The following KCNMB2 variants were observed in gnomAD, a reference collection of about 807,000 sequenced individuals.
KCNMB2 encodes potassium calcium-activated channel subfamily M regulatory beta subunit 2, also known as calcium-activated potassium channel subunit beta-2.
Under a neutral mutation model 24.5 loss-of-function variants are expected in KCNMB2, and 9 were observed. The observed-to-expected ratio is 0.37, with a 90% confidence interval of 0.22 to 0.64. The LOEUF is 0.64. Ranked by LOEUF, KCNMB2 falls within the 30% of genes least tolerant of loss-of-function variation. The probability of loss-of-function intolerance (pLI) is 0.63; values close to 1 mark genes in which losing one functional copy is unlikely to be tolerated. For missense variants in KCNMB2, 226 were observed against 284.3 expected, an observed-to-expected ratio of 0.79 and a Z score of 1.47; for synonymous variants, 109 against 104.4, an observed-to-expected ratio of 1.04 and a Z score of -0.27.
chr3:178,766,982 C>G (rs987720918), intron 1 of KCNMB2, among the ~76,000 whole-genome samples: 3 of 152,122 alleles, frequency 2.0e-5, no homozygotes, highest in African/African-American at 7.2e-5. Flanking sequence ...ATGTAGGTTG[C>G]CCTCCAGGGG....
chr3:178,565,234 T>C (rs564377330), intron 1 of KCNMB2, among the ~76,000 whole-genome samples: 100 of 152,264 alleles, frequency 6.6e-4, no homozygotes, highest in African/African-American at 2.3e-3. Flanking sequence ...TTCTGTATTA[T>C]TTAAACTATC....
Position 178,793,725 on chromosome 3 carries a change from C to T in KCNMB2, c.-67-13618C>T, listed in dbSNP as rs540866790. 5.9e-5 allele frequency among the ~76,000 whole-genome samples: 9 copies of T among 152,228 alleles called. No homozygotes were observed. In the East Asian group the frequency reaches 1.7e-3, roughly 29 times the overall value. ...TCCAGAAGTCCAGCCTGCTATTTGG[C>T]ATGGGGCTATCAGGGATCCAAGCCA... On this transcript the variant is annotated intron_variant, in intron 1 of 4. Transcript: ENST00000452583.
intron 1 of KCNMB2, among the ~76,000 whole-genome samples, chr3:178,568,027 A>C (rs1251896754): frequency 6.6e-6 from 1 of 152,242 alleles, no homozygotes; most frequent in Non-Finnish European, 1.5e-5. Flanking sequence ...TTGCTTAAGA[A>C]AACATAGAAA....
intron 1 of KCNMB2, among the ~76,000 whole-genome samples, chr3:178,567,683 C>A (rs921109434): frequency 2.0e-5 from 3 of 152,020 alleles, no homozygotes; most frequent in Non-Finnish European, 4.4e-5. Flanking sequence ...AGGACATTTG[C>A]GCCAGGACAA....
At chr3:178,664,551 T>C (rs900849318) in intron 1 of KCNMB2, among the ~76,000 whole-genome samples, 4 of 152,092 alleles carry the variant, frequency 2.6e-5, no homozygotes, top group Non-Finnish European at 5.9e-5. Flanking sequence ...GAAGATTGGC[T>C]TGTTTGCTCT....
chr3:178,595,300 G>T (rs1717828140), intron 1 of KCNMB2, among the ~76,000 whole-genome samples: 1 of 152,064 alleles, frequency 6.6e-6, no homozygotes, highest in Admixed American at 6.6e-5. Flanking sequence ...CTAAGGCTCA[G>T]GAGGTGAAGT....
intron 1 of KCNMB2, among the ~76,000 whole-genome samples, chr3:178,587,449 G>T (rs577953883): frequency 1.6e-4 from 25 of 152,126 alleles, no homozygotes; most frequent in South Asian, 6.2e-4. Flanking sequence ...TTGAGACAGG[G>T]TTTCCCTCTT....
At chr3:178,758,040 ATC>A (rs1560006442) in intron 1 of KCNMB2, among the ~76,000 whole-genome samples, 141 of 2,730 alleles carry the variant, frequency 0.052, 16 homozygotes, top group East Asian at 0.48. Flanking sequence ...ATATATATAT[ATC>A]TAGATATATA....
intron 1 of KCNMB2, among the ~76,000 whole-genome samples, chr3:178,714,977 G>A (rs1297203345): frequency 1.3e-5 from 2 of 152,124 alleles, no homozygotes; most frequent in African/African-American, 2.4e-5. Context: ...ATGTCTGCCC[G>A]GGCATTTTTA....
intron 1 of KCNMB2, among the ~76,000 whole-genome samples, chr3:178,568,706 T>C (rs1409895478): frequency 6.7e-6 from 1 of 150,016 alleles, no homozygotes; most frequent in Non-Finnish European, 1.5e-5. Context: ...AATAAATGCA[T>C]TTATCCTACC....
intron 1 of KCNMB2, among the ~76,000 whole-genome samples, chr3:178,718,315 GTAA>G (rs1174812497): frequency 6.6e-6 from 1 of 152,156 alleles, no homozygotes; most frequent in African/African-American, 2.4e-5. Flanking sequence ...CTGTATGCAG[GTAA>G]AAACCCAACC....
chr3:178,757,858 G>GAT (rs368639208), intron 1 of KCNMB2, among the ~76,000 whole-genome samples: 14 of 18,376 alleles, frequency 7.6e-4, no homozygotes, highest in South Asian at 3.8e-3. Flanking sequence ...TATCCAAGAG[G>GAT]ATACATATAT....
At chr3:178,673,269 C>T (rs1720966879) in intron 1 of KCNMB2, among the ~76,000 whole-genome samples, 1 of 152,134 alleles carries the variant, frequency 6.6e-6, no homozygotes, top group African/African-American at 2.4e-5. Flanking sequence ...TGGAAGGAGT[C>T]TCACTTTTTA....
intron 1 of KCNMB2, among the ~76,000 whole-genome samples, chr3:178,558,383 G>A (rs1716197752): frequency 6.6e-6 from 1 of 152,206 alleles, no homozygotes; most frequent in Admixed American, 6.5e-5. Context: ...AACAAGATCA[G>A]TGGGTCTCCT....
chr3:178,610,792 ATCCTTG>A (rs1718454319), intron 1 of KCNMB2, among the ~76,000 whole-genome samples: 1 of 152,222 alleles, frequency 6.6e-6, no homozygotes, highest in South Asian at 2.1e-4. Context: ...TTTGAATAGA[ATCCTTG>A]TCGTGTTCCA....
chr3:178,643,251 G>A (rs1316282960), intron 1 of KCNMB2, among the ~76,000 whole-genome samples: 1 of 152,174 alleles, frequency 6.6e-6, no homozygotes, highest in Non-Finnish European at 1.5e-5. Context: ...AGGGGTTAGG[G>A]ATCATAGTGG....
At chr3:178,800,619 A>G (rs776670451) in intron 1 of KCNMB2, among the ~76,000 whole-genome samples, 1 of 152,130 alleles carries the variant, frequency 6.6e-6, no homozygotes, top group Admixed American at 6.5e-5. Context: ...AACAGTTTGG[A>G]GTTTCCTCAA....
chr3:178,739,576 C>T (rs1371938701), intron 1 of KCNMB2, among the ~76,000 whole-genome samples: 1 of 152,140 alleles, frequency 6.6e-6, no homozygotes, highest in Non-Finnish European at 1.5e-5. Flanking sequence ...GGATATTGTC[C>T]TTTCCTTGAA....
chr3:178,745,465 T>C (rs1723634371), intron 1 of KCNMB2, among the ~76,000 whole-genome samples: 1 of 152,174 alleles, frequency 6.6e-6, no homozygotes, highest in Non-Finnish European at 1.5e-5. Context: ...GAATTCAAGA[T>C]GAAATTTGGG....
Sources: gnomAD v4.1 joint callset for allele counts (sites outside exome capture counted in the v4.1 genomes callset) on GRCh38, gnomAD v4.1.1 for gene constraint, MANE v1.5 for transcripts, NCBI Gene and HGNC (gene_info 2026-07-23, HGNC 2026-07-21) for gene names.